RXFP1: variants seen among roughly 807,000 people sequenced by gnomAD.
RXFP1 encodes relaxin receptor 1.
In RXFP1, 73 loss-of-function variants were observed where a neutral mutation model predicts 89.8. The ratio of observed to expected loss-of-function variants is 0.81; its 90% CI spans 0.67 to 0.99. The LOEUF (loss-of-function observed/expected upper bound fraction) is 0.99, where lower values mean the gene tolerates loss of function less well. RXFP1 is among the 50% of genes least tolerant of loss of function. RXFP1 has a pLI of 0.00. For missense variants in RXFP1, 793 were observed against 895.5 expected (o/e 0.89, Z 1.46); for synonymous variants, 277 against 305.5 (o/e 0.91, Z 0.97).
At chr4:158,623,305 C>A (rs28494564) in intron 9 of RXFP1, among the ~76,000 whole-genome samples, 5,898 of 149,332 alleles carry the variant, frequency 0.039, 356 homozygotes, top group African/African-American at 0.14. Context: ...TTGAGACTAG[C>A]CTGACTAACA....
chr4:158,595,177 C>T (rs969119592), intron 3 of RXFP1, among the ~76,000 whole-genome samples: 12 of 152,190 alleles, frequency 7.9e-5, no homozygotes, highest in African/African-American at 2.7e-4. Flanking sequence ...TTATTCAATT[C>T]TCTTACTCAT....
rs142111689 is a variant in RXFP1 at position 158,532,077 on chromosome 4, T to A, written c.49+10052T>A. On this transcript the variant is annotated intron_variant, in intron 1 of 17. Coordinates refer to ENST00000307765, the MANE Select transcript of RXFP1 (RefSeq NM_021634.4). ...GCCTGATAGGCAGTTTTTCAGAATT[T>A]TCCCCCCCTCCTCCCCTTTTGGAAT... Among the ~76,000 whole-genome samples, 117 of 152,216 alleles carry A rather than the reference T, an allele frequency of 7.7e-4. 1 individual carries two copies. The highest frequency in any genetic ancestry group is 1.5e-3 in the Non-Finnish European group (100 of 67,994).
chr4:158,557,961 A>G (rs1751663302), intron 1 of RXFP1, among the ~76,000 whole-genome samples: 1 of 152,208 alleles, frequency 6.6e-6, no homozygotes, highest in South Asian at 2.1e-4. Context: ...CCTAGTGCAT[A>G]GATATATTCA....
Position 158,652,056 on chromosome 4 carries a change from C to T in RXFP1, c.*1C>T, listed in dbSNP as rs1772850366. The T allele has an allele frequency of 6.2e-7, 1 of 1,601,686 alleles. No individual in the cohort carries two copies. Among genetic ancestry groups the T allele is most frequent in the African/African-American group, 1.3e-5 (1 of 74,566 alleles). ...AACGAGACTCAATTCCTATTCATGA[C>T]TGACTCTGAAATTCATTTCTTCGCA... On this transcript the variant is annotated 3_prime_UTR_variant, in exon 18 of 18. Transcript: ENST00000307765.
intron 6 of RXFP1, among the ~76,000 whole-genome samples, chr4:158,611,404 AC>A (rs1763554536): frequency 6.6e-6 from 1 of 152,104 alleles, no homozygotes; most frequent in Non-Finnish European, 1.5e-5. Flanking sequence ...GCAGAGTCAA[AC>A]CCTTTAGCAA....
intron 12 of RXFP1, among the ~76,000 whole-genome samples, chr4:158,634,539 T>A (rs2150215722): frequency 6.6e-6 from 1 of 152,314 alleles, no homozygotes; most frequent in Non-Finnish European, 1.5e-5. Flanking sequence ...ATAGTCTAAT[T>A]TTTAAATTTC....
At chr4:158,610,641 C>T in intron 6 of RXFP1, 1 of 1,280,720 alleles carries the variant, frequency 7.8e-7, no homozygotes, top group Non-Finnish European at 1.0e-6. Context: ...AGGTCCAGAG[C>T]AGTAAAGGAT....
At position 158,604,366 on chromosome 4, in the gene RXFP1, G is replaced by T. The variant is rs899865763; in HGVS notation, c.393-702G>T. ...CTTGGAGAGGTTGTGTGTGATTCAT[G>T]CAAGGATCCCCAGCTACACTGGTTT... On this transcript the variant is annotated intron_variant, in intron 4 of 17. Transcript: ENST00000307765. Among the ~76,000 whole-genome samples, 4 of 152,244 alleles carry T rather than the reference G, an allele frequency of 2.6e-5. No homozygotes were observed. The South Asian group carries it at 8.3e-4, about 32-fold the overall frequency.
chr4:158,572,591 C>A, intron 1 of RXFP1, 107 bp from the exon 2 acceptor site: 3 of 1,029,966 alleles, frequency 2.9e-6, no homozygotes, highest in South Asian at 2.9e-5. Flanking sequence ...ATGTAGAAAC[C>A]ATGATGAGAA....
rs1240719821 is a variant in RXFP1 at position 158,573,012 on chromosome 4, G to GT, written c.187+182dup. ...AAAATATCCACTCTTTTCTTTTCTT[G>GT]TTTTTGTTTTTTTTTGAGACGGAGT... On this transcript the variant is annotated intron_variant, in intron 2 of 17. Coordinates refer to ENST00000307765, the MANE Select transcript of RXFP1 (RefSeq NM_021634.4). 8 of 915,266 alleles carry GT rather than the reference G, an allele frequency of 8.7e-6. No homozygotes were observed. The African/African-American group carries it at 1.2e-4, about 14-fold the overall frequency. The allele number at this position is 915,266 out of a possible 1,614,324, so 56.7% of individuals were successfully genotyped here.
chr4:158,623,426 C>T (rs1766026010), intron 9 of RXFP1, among the ~76,000 whole-genome samples: 2 of 135,504 alleles, frequency 1.5e-5, no homozygotes, highest in African/African-American at 5.5e-5. Context: ...CACTTGAATC[C>T]AGGAAGCAGA....
rs528191212 is a variant in RXFP1, at chr4:158,543,556, A to G, written c.49+21531A>G. 1.1e-3 allele frequency among the ~76,000 whole-genome samples: 166 copies of G among 152,310 alleles called. 1 individual carries two copies. The highest frequency in any genetic ancestry group is 1.9e-3 in the Non-Finnish European group (127 of 68,036). On this transcript the variant is annotated intron_variant, in intron 1 of 17. Coordinates refer to ENST00000307765, the MANE Select transcript of RXFP1 (RefSeq NM_021634.4). ...AGAACACAGTGTCTCCACAAACAAG[A>G]TGGGGATTGTGTTAACAGAGGAAAA...
rs543173428 is a variant in RXFP1, at chr4:158,527,088, T to A, written c.49+5063T>A. Among the ~76,000 whole-genome samples the A allele has an allele frequency of 7.2e-5, 11 of 152,268 alleles. No individual in the cohort carries two copies. The East Asian group carries it at 2.1e-3, about 29-fold the overall frequency. On this transcript the variant is annotated intron_variant, in intron 1 of 17. Transcript: ENST00000307765. ...CCAAAATGTTACCCACATGATTAGC[T>A]ACAAATGAAACAGCAGATAATCTGA...
chr4:158,599,016 G>A (rs947199151), intron 3 of RXFP1, among the ~76,000 whole-genome samples: 4 of 150,038 alleles, frequency 2.7e-5, no homozygotes, highest in African/African-American at 9.8e-5. Flanking sequence ...TCCATTCATT[G>A]CAAAATGAAT....
chr4:158,532,775 A>AC (rs968819335), intron 1 of RXFP1, among the ~76,000 whole-genome samples: 1 of 152,180 alleles, frequency 6.6e-6, no homozygotes, highest in Non-Finnish European at 1.5e-5. Context: ...ACCTATTGGG[A>AC]ACTCAGGCAG....
At chr4:158,643,258 T>C (rs1770738665) in intron 14 of RXFP1, among the ~76,000 whole-genome samples, 1 of 152,120 alleles carries the variant, frequency 6.6e-6, no homozygotes, top group African/African-American at 2.4e-5. Flanking sequence ...TTCAGGCTGC[T>C]CTTTGTTAGA....
At chr4:158,542,293 C>T (rs762846426) in intron 1 of RXFP1, among the ~76,000 whole-genome samples, 4 of 151,032 alleles carry the variant, frequency 2.6e-5, no homozygotes, top group Non-Finnish European at 5.9e-5. Context: ...TTGCATTCAG[C>T]GGCCGCAGCT....
At position 158,569,150 on chromosome 4, in the gene RXFP1, C is replaced by T. The variant is rs138403939; in HGVS notation, c.50-3548C>T. Among the ~76,000 whole-genome samples, 735 of 152,236 alleles carry T rather than the reference C, an allele frequency of 4.8e-3. 8 individuals carry two copies. The highest frequency in any genetic ancestry group is 0.021 in the Middle Eastern group (6 of 292). On this transcript the variant is annotated intron_variant, in intron 1 of 17. Transcript: ENST00000307765. ...CGTAATTGCCAAAACTTAGAAGCAA[C>T]CAAGATGTCTTTCAGTAAGTGAGTG... is the stretch of plus-strand genomic sequence containing the variant.
At chr4:158,548,768 G>C (rs1749247327) in intron 1 of RXFP1, among the ~76,000 whole-genome samples, 1 of 152,194 alleles carries the variant, frequency 6.6e-6, no homozygotes, top group Admixed American at 6.5e-5. Context: ...TAAGAATGTT[G>C]AAGATTGGCC....
Sources: gnomAD v4.1 joint callset for allele counts (sites outside exome capture counted in the v4.1 genomes callset) on GRCh38, gnomAD v4.1.1 for gene constraint, MANE v1.5 for transcripts, NCBI Gene and HGNC (gene_info 2026-07-23, HGNC 2026-07-21) for gene names.